TOGARAM1: variants seen among roughly 807,000 people sequenced by gnomAD.
TOGARAM1 encodes the protein TOG array regulator of axonemal microtubules 1, also known as TOG array regulator of axonemal microtubules protein 1.
Under a neutral mutation model 166.6 loss-of-function variants are expected in TOGARAM1, and 100 were observed. The observed-to-expected ratio is 0.60, with a 90% CI of 0.51 to 0.71. The LOEUF (loss-of-function observed/expected upper bound fraction) is 0.71. TOGARAM1 is among the 30% of genes least tolerant of loss of function. TOGARAM1 has a pLI of 0.00. For missense variants in TOGARAM1, 2,029 were observed against 2,102.7 expected (o/e 0.96, Z 0.69); for synonymous variants, 758 against 763.8 (o/e 0.99, Z 0.13).
intron 11 of TOGARAM1, chr14:45,042,443 A>G (rs974246044): frequency 9.2e-6 from 1 of 109,164 alleles, no homozygotes; most frequent in East Asian, 2.5e-4. Flanking sequence ...ATCAGTCCTA[A>G]CACACACACA....
chr14:45,041,626 T>C lies in TOGARAM1; in HGVS notation c.3813-2060T>C, dbSNP rs1881732274. On this transcript the variant is annotated intron_variant, in intron 11 of 19. Transcript: ENST00000361462. ...TTAATATAGCACAAGAACATAGAGATAAAAATTCTTAACACAGAACTTCTT... is the reference window on the plus strand; with the variant it reads ...TTAATATAGCACAAGAACATAGAGACAAAAATTCTTAACACAGAACTTCTT... Among the ~76,000 whole-genome samples, 6 of 152,330 alleles carry C rather than the reference T, an allele frequency of 3.9e-5. No homozygotes were observed. The South Asian group carries it at 1.2e-3, about 32-fold the overall frequency.
chr14:45,068,662 G>T lies in TOGARAM1; in HGVS notation c.4969+19G>T. ...CATGTAGGTAAGAAATCTTACTTCG[G>T]CACTCAAATTATTTTCACTTTCTTT... is the stretch of plus-strand genomic sequence containing the variant. On this transcript the variant is annotated intron_variant, in intron 18 of 19. Coordinates refer to ENST00000361462, the MANE Select transcript of TOGARAM1 (RefSeq NM_001308120.2). 6.6e-7 allele frequency: 1 copy of T among 1,514,818 alleles called. No individual in the cohort carries two copies. Among genetic ancestry groups the T allele is most frequent in the Non-Finnish European group, 8.9e-7 (1 of 1,119,504 alleles). The allele number at this position is 1,514,818 out of a possible 1,614,324, so 93.8% of individuals were successfully genotyped here.
chr14:45,044,009 G>A (rs576885762), intron 12 of TOGARAM1, among the ~76,000 whole-genome samples: 1 of 151,940 alleles, frequency 6.6e-6, no homozygotes, highest in Admixed American at 6.6e-5. Context: ...AAGATGTGGG[G>A]TTTTGTTTGT....
intron 6 of TOGARAM1, among the ~76,000 whole-genome samples, chr14:45,010,218 C>T (rs1449229880): frequency 6.6e-6 from 1 of 152,172 alleles, no homozygotes; most frequent in Non-Finnish European, 1.5e-5. Context: ...TAGAATTAAA[C>T]TGAATTTTTG....
chr14:45,044,317 C>A (rs1396864034), intron 12 of TOGARAM1, among the ~76,000 whole-genome samples: 2 of 152,032 alleles, frequency 1.3e-5, no homozygotes, highest in South Asian at 4.1e-4. Flanking sequence ...GTTTAAGATA[C>A]GTTACTTGAA....
chr14:45,020,611 A>T (rs1880443087), intron 7 of TOGARAM1, among the ~76,000 whole-genome samples: 1 of 151,566 alleles, frequency 6.6e-6, no homozygotes, highest in African/African-American at 2.4e-5. Context: ...AGATGGTCAT[A>T]GGGTGCACTA....
At chr14:45,065,097 T>C (rs1419674913) in intron 16 of TOGARAM1, among the ~76,000 whole-genome samples, 1 of 152,162 alleles carries the variant, frequency 6.6e-6, no homozygotes, top group Non-Finnish European at 1.5e-5. Context: ...TTACTTGCAG[T>C]GAGCCAAGAT....
In TOGARAM1 at chr14:44,963,101, A is replaced by T. The variant is rs755101967; in HGVS notation, c.680A>T (p.Asp227Val). The change falls in exon 1 of 20, where the codon GAT becomes GTT. Residue 227 changes from aspartate (D) to valine (V), a missense_variant. Coordinates refer to ENST00000361462, the MANE Select transcript of TOGARAM1 (RefSeq NM_001308120.2). ...ATACAACAAGGACTGGAAAGTACCGATGCCCGACTTAGAGCTTCCACAGCA... is the reference window on the plus strand; with the variant it reads ...ATACAACAAGGACTGGAAAGTACCGTTGCCCGACTTAGAGCTTCCACAGCA... ...TLIQQGLEST[D>V]ARLRASTALL... is the part of the protein sequence containing the mutation. 1 of 1,614,218 alleles carries T rather than the reference A, an allele frequency of 6.2e-7. No individual in the cohort carries two copies. The highest frequency in any genetic ancestry group is 1.1e-5 in the South Asian group (1 of 91,082).
chr14:45,052,370 C>T (rs534907994), intron 14 of TOGARAM1, 66 bp from the exon 15 acceptor site: 1 of 1,397,550 alleles, frequency 7.2e-7, no homozygotes, highest in Admixed American at 1.9e-5. Context: ...AACAATGCAT[C>T]TAAGGTCAGC....
chr14:45,068,680 CTTTCT>C (rs1216564716), intron 18 of TOGARAM1, 37 bp downstream of exon 18: 1 of 1,469,398 alleles, frequency 6.8e-7, no homozygotes, highest in Admixed American at 2.1e-5. Flanking sequence ...ATTATTTTCA[CTTTCT>C]TTTCATGTTT....
chr14:45,051,007 T>C (rs1485351392), intron 14 of TOGARAM1, among the ~76,000 whole-genome samples: 1 of 152,168 alleles, frequency 6.6e-6, no homozygotes, highest in Non-Finnish European at 1.5e-5. Flanking sequence ...TGAAGATGAA[T>C]AGTGTGGTAC....
chr14:44,973,190 A>T (rs1226029365), intron 1 of TOGARAM1, among the ~76,000 whole-genome samples: 1 of 151,700 alleles, frequency 6.6e-6, no homozygotes, highest in Non-Finnish European at 1.5e-5. Flanking sequence ...TGAGAATTTA[A>T]CATGATTCAG....
chr14:45,020,173 G>A (rs1594662395), intron 7 of TOGARAM1, among the ~76,000 whole-genome samples: 1 of 152,208 alleles, frequency 6.6e-6, no homozygotes, highest in African/African-American at 2.4e-5. Flanking sequence ...GCATCCACTG[G>A]CTGAGGAGGC....
chr14:44,997,428 A>G (rs1887473287), intron 2 of TOGARAM1: 1 of 152,382 alleles, frequency 6.6e-6, no homozygotes, highest in Non-Finnish European at 1.4e-5. Flanking sequence ...AAAAAAAAAA[A>G]AAAAGGTGAT....
rs1198516464 is a variant in TOGARAM1 at position 45,027,353 on chromosome 14, C to A, written c.3383C>A (p.Ser1128Tyr). The change falls in exon 9 of 20, where the codon TCT becomes TAT. Residue 1128 changes from serine (S) to tyrosine (Y), a missense_variant. Around this residue, in one of 2 missense-constraint regions of TOGARAM1, gnomAD observed 1,453 missense variants for 1,432.2 expected, o/e 1.01. Coordinates refer to ENST00000361462, the MANE Select transcript of TOGARAM1 (RefSeq NM_001308120.2). ...GCAACCTGCAGCCAATCAGTGATATCTTCTGTGGAAAATGGGGATACATTT... is the reference window on the plus strand; with the variant it reads ...GCAACCTGCAGCCAATCAGTGATATATTCTGTGGAAAATGGGGATACATTT... ...APATCSQSVI[S>Y]SVENGDTFSI... The A allele has an allele frequency of 6.2e-7, 1 of 1,613,538 alleles. No homozygotes were observed. The highest frequency in any genetic ancestry group is 8.5e-7 in the Non-Finnish European group (1 of 1,179,840).
chr14:45,028,473 C>A, intron 10 of TOGARAM1, 144 bp downstream of exon 10: 1 of 794,988 alleles, frequency 1.3e-6, no homozygotes, highest in Non-Finnish European at 2.0e-6. Flanking sequence ...CTTTAATTAG[C>A]TTTGTGACCT....
intron 3 of TOGARAM1, among the ~76,000 whole-genome samples, chr14:45,001,737 CA>C (rs1456604774): frequency 6.6e-6 from 1 of 152,070 alleles, no homozygotes; most frequent in Non-Finnish European, 1.5e-5. Context: ...GTTGTGTTAG[CA>C]GATGACAATT....
intron 1 of TOGARAM1, among the ~76,000 whole-genome samples, chr14:44,986,110 T>C (rs1174549239): frequency 2.6e-5 from 4 of 152,182 alleles, no homozygotes; most frequent in Non-Finnish European, 1.5e-5. Flanking sequence ...TGTGAAACCA[T>C]TAGAGGAAAT....
In TOGARAM1 at chr14:45,027,390, A is replaced by C; in HGVS notation, c.3420A>C (p.Gln1140His). 1 of 1,613,832 alleles carries C rather than the reference A, an allele frequency of 6.2e-7. No homozygotes were observed. The highest frequency in any genetic ancestry group is 8.5e-7 in the Non-Finnish European group (1 of 1,179,858). ...VENGDTFSIKQSIEPPSGIYG... is the reference protein window; with the variant it reads ...VENGDTFSIKHSIEPPSGIYG... ...ATGGGGATACATTTTCAATTAAACA[A>C]AGTATTGAACCACCATCAGGGATTT... Residue 1140 changes from glutamine (Q) to histidine (H), a missense_variant, in exon 9 of 20, where the codon CAA becomes CAC. Gln to His is a conservative substitution (Grantham distance 24). This residue lies in a region of TOGARAM1 where 1,453 missense variants were observed against 1,432.2 expected (regional missense o/e 1.01). Transcript: ENST00000361462.
Sources: allele counts gnomAD v4.1 joint callset (sites outside exome capture counted in the v4.1 genomes callset), GRCh38; gene constraint gnomAD v4.1.1; regional missense constraint gnomAD v4.1.1; transcripts MANE v1.5; gene names NCBI Gene and HGNC (gene_info 2026-07-23, HGNC 2026-07-21).